Variants in PXDNL observed in about 807,000 individuals in gnomAD.
The protein encoded by PXDNL is peroxidasin like.
In PXDNL, 145 loss-of-function variants were observed where a neutral mutation model predicts 150.8. The ratio of observed to expected loss-of-function variants is 0.96; its 90% CI spans 0.84 to 1.10. PXDNL has a LOEUF of 1.10. Among genes scored for constraint, PXDNL ranks in the 50% least tolerant of loss-of-function variants. The pLI, the probability that PXDNL is intolerant of heterozygous loss-of-function variation, is 0.00. For synonymous variants in PXDNL, 757 were observed against 725.7 expected (o/e 1.04, Z -0.69); for missense variants, 2,087 against 1,873.9 (o/e 1.11, Z -2.10).
intron 1 of PXDNL, among the ~76,000 whole-genome samples, chr8:51,742,690 A>C (rs1015128241): frequency 8.6e-5 from 13 of 151,876 alleles, no homozygotes; most frequent in African/African-American, 3.1e-4. Context: ...AAATGTATAT[A>C]TATCAGAGAA....
rs1020067754 is a variant in PXDNL, at chr8:51,345,827, A to C, written c.4016+6T>G. 6.5e-7 allele frequency: 1 copy of C among 1,536,248 alleles called. No homozygotes were observed. Among genetic ancestry groups the C allele is most frequent in the African/African-American group, 1.4e-5 (1 of 73,404 alleles). On this transcript the variant is annotated splice_donor_region_variant and intron_variant, in intron 20 of 22. Coordinates refer to ENST00000356297, the MANE Select transcript of PXDNL (RefSeq NM_144651.5). Reference sequence around the variant, plus strand: ...GCCTAAAGAAATGAGATATTTCTATACATACCTACTTCTTAGATGACTTAA... The same window carrying C: ...GCCTAAAGAAATGAGATATTTCTATCCATACCTACTTCTTAGATGACTTAA...
intron 17 of PXDNL, among the ~76,000 whole-genome samples, chr8:51,405,024 G>A (rs938602378): frequency 3.3e-5 from 5 of 152,150 alleles, no homozygotes; most frequent in Non-Finnish European, 7.4e-5. Context: ...GGGACCCAGC[G>A]CACCCTCCGC....
At chr8:51,766,560 AT>A (rs1170755733) in intron 1 of PXDNL, among the ~76,000 whole-genome samples, 5 of 152,164 alleles carry the variant, frequency 3.3e-5, no homozygotes, top group Admixed American at 1.3e-4. Context: ...TTATCTGGGA[AT>A]GTCTTAATTT....
At chr8:51,384,094 T>G (rs1807628226) in intron 17 of PXDNL, among the ~76,000 whole-genome samples, 1 of 152,194 alleles carries the variant, frequency 6.6e-6, no homozygotes, top group Non-Finnish European at 1.5e-5. Context: ...GAGAGACATC[T>G]GGATTTTCAG....
chr8:51,765,237 G>A (rs1243113813), intron 1 of PXDNL, among the ~76,000 whole-genome samples: 1 of 152,104 alleles, frequency 6.6e-6, no homozygotes. Flanking sequence ...AACCATGGGG[G>A]CGGTTTCCCC....
Position 51,781,505 on chromosome 8 carries a change from G to A in PXDNL, c.164+27676C>T, listed in dbSNP as rs545414764. On this transcript the variant is annotated intron_variant, in intron 1 of 22. Transcript: ENST00000356297. ...CTGGGAACACCTCAGTTTTCCCGTG[G>A]CTCTTCGTCCAGTTGTAGGGTTTGG... Among the ~76,000 whole-genome samples the A allele has an allele frequency of 1.2e-4, 19 of 152,284 alleles. No individual in the cohort carries two copies. The South Asian group carries it at 3.9e-3, about 32-fold the overall frequency.
chr8:51,362,928 A>G (rs989333389), intron 19 of PXDNL, among the ~76,000 whole-genome samples: 18 of 152,222 alleles, frequency 1.2e-4, no homozygotes, highest in East Asian at 7.7e-4. Flanking sequence ...TCAGTTAAAT[A>G]TAAGTAGGTA....
At chr8:51,437,236 C>A (rs2129851402) in intron 12 of PXDNL, among the ~76,000 whole-genome samples, 1 of 152,204 alleles carries the variant, frequency 6.6e-6, no homozygotes, top group Admixed American at 6.5e-5. Context: ...GTCTAGAATT[C>A]ATAGCTGAAT....
intron 5 of PXDNL, among the ~76,000 whole-genome samples, chr8:51,492,443 G>A (rs2130236938): frequency 6.6e-6 from 1 of 152,282 alleles, no homozygotes; most frequent in Admixed American, 6.5e-5. Flanking sequence ...GTGCAGGACA[G>A]TGGGTGCAGC....
chr8:51,448,916 G>C (rs1443417978), intron 11 of PXDNL, 86 bp downstream of exon 11: 5 of 745,022 alleles, frequency 6.7e-6, no homozygotes, highest in Non-Finnish European at 1.2e-5. Flanking sequence ...ATACACCTTC[G>C]ATAATTAATT....
chr8:51,803,175 T>A (rs530453126), intron 1 of PXDNL, among the ~76,000 whole-genome samples: 1 of 152,308 alleles, frequency 6.6e-6, no homozygotes, highest in East Asian at 1.9e-4. Context: ...CTCCCATCTG[T>A]CCTGCTGGGT....
At chr8:51,746,322 C>T (rs955690945) in intron 1 of PXDNL, among the ~76,000 whole-genome samples, 2 of 152,288 alleles carry the variant, frequency 1.3e-5, no homozygotes, top group African/African-American at 4.8e-5. Flanking sequence ...AGAACAGTCC[C>T]ACCCCTAGTA....
intron 14 of PXDNL, among the ~76,000 whole-genome samples, chr8:51,414,817 G>T (rs1197309675): frequency 1.3e-5 from 2 of 152,062 alleles, no homozygotes; most frequent in South Asian, 2.1e-4. Flanking sequence ...AAATATATAG[G>T]CAAGTTATAA....
At chr8:51,673,752 A>G (rs1207609172) in intron 1 of PXDNL, among the ~76,000 whole-genome samples, 1 of 152,208 alleles carries the variant, frequency 6.6e-6, no homozygotes, top group Admixed American at 6.5e-5. Context: ...AGAATGCAAA[A>G]GCCCTGCCTC....
At chr8:51,556,167 G>T (rs758378890) in intron 4 of PXDNL, among the ~76,000 whole-genome samples, 1 of 152,024 alleles carries the variant, frequency 6.6e-6, no homozygotes, top group Non-Finnish European at 1.5e-5. Context: ...AGCTACTTGG[G>T]GGGCTGAGGC....
At chr8:51,350,274 G>A (rs1806295209) in intron 19 of PXDNL, among the ~76,000 whole-genome samples, 1 of 151,244 alleles carries the variant, frequency 6.6e-6, no homozygotes, top group African/African-American at 2.4e-5. Flanking sequence ...CAGGGGATTG[G>A]TCTGACCAGG....
chr8:51,688,325 A>T (rs906185078), intron 1 of PXDNL, among the ~76,000 whole-genome samples: 4 of 152,138 alleles, frequency 2.6e-5, no homozygotes, highest in African/African-American at 7.2e-5. Context: ...TATTCATTTA[A>T]GAATTTTTAA....
chr8:51,475,224 T>A (rs1810446690), intron 6 of PXDNL, 83 bp from the exon 7 acceptor site: 8 of 1,327,908 alleles, frequency 6.0e-6, no homozygotes. Flanking sequence ...ATATTTAATT[T>A]CCCCTGATTT....
intron 8 of PXDNL, among the ~76,000 whole-genome samples, chr8:51,468,820 T>C (rs1810259930): frequency 6.6e-6 from 1 of 152,026 alleles, no homozygotes; most frequent in East Asian, 1.9e-4. Context: ...ATGAGGCATG[T>C]AAAATAATTT....
Sources: allele counts gnomAD v4.1 joint callset (sites outside exome capture counted in the v4.1 genomes callset), GRCh38; gene constraint gnomAD v4.1.1; transcripts MANE v1.5; gene names NCBI Gene and HGNC (gene_info 2026-07-23, HGNC 2026-07-21).